Variants in ATF7IP observed in about 807,000 individuals in gnomAD.
ATF7IP encodes the protein activating transcription factor 7 interacting protein, also known as activating transcription factor 7-interacting protein 1.
In ATF7IP, 23 loss-of-function variants were observed where a neutral mutation model predicts 106.4. That is an observed-to-expected ratio of 0.22 (90% CI 0.16 to 0.31). The LOEUF is 0.31. Among genes scored for constraint, ATF7IP ranks in the 10% least tolerant of loss-of-function variants. The pLI, the probability that ATF7IP is intolerant of heterozygous loss-of-function variation, is 1.00. For synonymous variants in ATF7IP, 542 were observed against 539.0 expected, an observed-to-expected ratio of 1.01 and a Z score of -0.08; for missense variants, 1,334 against 1,524.3, an observed-to-expected ratio of 0.88 and a Z score of 2.08.
rs189286255 is a variant in ATF7IP, at chr12:14,479,303, C to A, written c.3097+831C>A. On this transcript the variant is annotated intron_variant, in intron 12 of 14. Transcript: ENST00000261168. Reference sequence around the variant, plus strand: ...TTATCTTGAAATAGCTTTAACTAGTCTAACACTACCACCAGGAATCATATG... The same window carrying A: ...TTATCTTGAAATAGCTTTAACTAGTATAACACTACCACCAGGAATCATATG... 5.9e-5 allele frequency among the ~76,000 whole-genome samples: 9 copies of A among 152,280 alleles called. No homozygotes were observed. In the East Asian group the frequency reaches 1.5e-3, roughly 26 times the overall value.
intron 9 of ATF7IP, among the ~76,000 whole-genome samples, chr12:14,464,798 G>A (rs955028547): frequency 2.0e-5 from 3 of 152,186 alleles, no homozygotes; most frequent in Admixed American, 2.0e-4. Flanking sequence ...ATAGCTCTGA[G>A]GCAATTAGGT....
At chr12:14,458,107 T>A (rs184165884) in intron 8 of ATF7IP, among the ~76,000 whole-genome samples, 1,849 of 147,850 alleles carry the variant, frequency 0.013, 16 homozygotes, top group African/African-American at 0.022. Context: ...AAAAAAAAAA[T>A]AATAAATAAT....
chr12:14,379,084 A>C (rs1430617852), intron 1 of ATF7IP, among the ~76,000 whole-genome samples: 1 of 152,124 alleles, frequency 6.6e-6, no homozygotes, highest in Non-Finnish European at 1.5e-5. Context: ...ATAATCCTCT[A>C]TGTTGGAGGT....
At position 14,430,982 on chromosome 12, in the gene ATF7IP, A is replaced by G. The variant is rs546203338; in HGVS notation, c.1559-3355A>G. Among the ~76,000 whole-genome samples, 9 of 152,338 alleles carry G rather than the reference A, an allele frequency of 5.9e-5. No homozygotes were observed. The South Asian group carries it at 1.7e-3, about 28-fold the overall frequency. On this transcript the variant is annotated intron_variant, in intron 2 of 14. Coordinates refer to ENST00000261168, the MANE Select transcript of ATF7IP (RefSeq NM_018179.5). ...GGCCGCTTACAAAAAAGATTTGCCA[A>G]TCTCTTATCTAAGGCAATGGTTTTT... is the stretch of plus-strand genomic sequence containing the variant.
chr12:14,476,257 T>C, intron 11 of ATF7IP: 2 of 225,938 alleles, frequency 8.9e-6, no homozygotes, highest in Non-Finnish European at 1.8e-5. Context: ...ATAAAAAATT[T>C]AAAAATTAGC....
In ATF7IP at chr12:14,501,933, A is replaced by G. The variant is rs1310597394; in HGVS notation, c.*3860A>G. 1 of 152,212 alleles carries G rather than the reference A, an allele frequency of 6.6e-6. No individual in the cohort carries two copies. Among genetic ancestry groups the G allele is most frequent in the Non-Finnish European group, 1.5e-5 (1 of 68,034 alleles). 9.4% of individuals were successfully genotyped at this position (152,212 alleles called of 1,614,324 possible). ...GCATGGTATTCATTTATCTTGTTTC[A>G]TGAACTTTCCAGTACTGTACAAGGT... On this transcript the variant is annotated 3_prime_UTR_variant, in exon 15 of 15. Transcript: ENST00000261168.
chr12:14,376,206 A>G (rs1000625200), intron 1 of ATF7IP, among the ~76,000 whole-genome samples: 1 of 152,212 alleles, frequency 6.6e-6, no homozygotes, highest in African/African-American at 2.4e-5. Context: ...GGATGAAGGC[A>G]TTTATTTTGG....
intron 2 of ATF7IP, among the ~76,000 whole-genome samples, chr12:14,427,323 A>G (rs954591484): frequency 1.3e-5 from 2 of 149,860 alleles, no homozygotes; most frequent in African/African-American, 4.9e-5. Flanking sequence ...GGGTCTTGCT[A>G]TATTGGCTCT....
chr12:14,476,896 C>T (rs1010919966), intron 11 of ATF7IP, among the ~76,000 whole-genome samples: 24 of 152,134 alleles, frequency 1.6e-4, no homozygotes, highest in Non-Finnish European at 3.5e-4. Flanking sequence ...ATAGGTGTTT[C>T]ATGAATATAA....
intron 2 of ATF7IP, among the ~76,000 whole-genome samples, chr12:14,433,409 G>A (rs1942237709): frequency 1.3e-5 from 2 of 152,152 alleles, no homozygotes; most frequent in Admixed American, 1.3e-4. Flanking sequence ...GGAGGCTGAG[G>A]CAGGAGAATT....
chr12:14,386,887 A>G (rs994786789), intron 1 of ATF7IP, among the ~76,000 whole-genome samples: 2 of 152,276 alleles, frequency 1.3e-5, no homozygotes, highest in Admixed American at 6.5e-5. Context: ...GTTCATGAAG[A>G]TGGAATATAA....
intron 10 of ATF7IP, among the ~76,000 whole-genome samples, chr12:14,468,244 G>C (rs1419254728): frequency 6.7e-6 from 1 of 149,664 alleles, no homozygotes; most frequent in Non-Finnish European, 1.5e-5. Flanking sequence ...CTCCAGCCTG[G>C]GTGAAAGAGC....
At chr12:14,383,010 A>G (rs1939059149) in intron 1 of ATF7IP, among the ~76,000 whole-genome samples, 1 of 152,168 alleles carries the variant, frequency 6.6e-6, no homozygotes, top group African/African-American at 2.4e-5. Flanking sequence ...CCTTGACACT[A>G]TTTATCTGAA....
intron 9 of ATF7IP, among the ~76,000 whole-genome samples, chr12:14,464,000 T>A (rs902622104): frequency 6.6e-6 from 1 of 152,182 alleles, no homozygotes; most frequent in Non-Finnish European, 1.5e-5. Context: ...TCATTAAACA[T>A]CTTGTTCTAA....
intron 1 of ATF7IP, among the ~76,000 whole-genome samples, chr12:14,408,115 T>G (rs1940700228): frequency 2.8e-5 from 1 of 36,016 alleles, no homozygotes; most frequent in African/African-American, 1.1e-4. Flanking sequence ...GATATTGATG[T>G]GCACACACAC....
At chr12:14,426,504 A>G (rs1014678126) in intron 2 of ATF7IP, among the ~76,000 whole-genome samples, 1 of 151,256 alleles carries the variant, frequency 6.6e-6, no homozygotes, top group African/African-American at 2.4e-5. Flanking sequence ...TTGGAGGTAG[A>G]GATTTTTTTC....
intron 10 of ATF7IP, 71 bp downstream of exon 10, chr12:14,466,661 C>A: frequency 2.5e-6 from 3 of 1,203,916 alleles, no homozygotes; most frequent in South Asian, 1.3e-5. Flanking sequence ...TTTCATCATT[C>A]TTTGATTGAA....
chr12:14,482,086 C>T (rs1386886324), intron 13 of ATF7IP: 1 of 152,196 alleles, frequency 6.6e-6, no homozygotes, highest in Non-Finnish European at 1.5e-5. Context: ...TACGTATGAA[C>T]TCTTCATCAG....
chr12:14,479,663 G>C (rs1944372634), intron 12 of ATF7IP, among the ~76,000 whole-genome samples: 1 of 151,884 alleles, frequency 6.6e-6, no homozygotes, highest in South Asian at 2.1e-4. Context: ...GTTTTGGTAG[G>C]GACTGTTTAG....
Sources: allele counts gnomAD v4.1 joint callset (sites outside exome capture counted in the v4.1 genomes callset), GRCh38; gene constraint gnomAD v4.1.1; transcripts MANE v1.5; gene names NCBI Gene and HGNC (gene_info 2026-07-23, HGNC 2026-07-21).